HDAC9: variants seen among roughly 807,000 people sequenced by gnomAD.
HDAC9 encodes MEF-2 interacting transcription repressor (MITR) protein.
HDAC9 carries 41 observed loss-of-function variants against 139.4 expected under a neutral mutation model. That is an observed-to-expected ratio of 0.29 (90% CI 0.23 to 0.38). The LOEUF is 0.38. HDAC9 is among the 10% of genes least tolerant of loss of function. HDAC9 has a pLI of 1.00. For missense variants in HDAC9, 1,147 were observed against 1,297.0 expected (o/e 0.88, Z 1.78); for synonymous variants, 517 against 476.2 (o/e 1.09, Z -1.12).
chr7:18,187,857 C>G (rs926800655), intron 2 of HDAC9, among the ~76,000 whole-genome samples: 2 of 152,190 alleles, frequency 1.3e-5, no homozygotes, highest in African/African-American at 2.4e-5. Flanking sequence ...CAGCCTTCTT[C>G]AGTGTGCTTC....
chr7:18,534,967 C>A (rs1354661703), intron 2 of HDAC9, among the ~76,000 whole-genome samples: 1 of 152,148 alleles, frequency 6.6e-6, no homozygotes, highest in Non-Finnish European at 1.5e-5. Flanking sequence ...TTTGACCTTG[C>A]GCTTGACCAC....
intron 13 of HDAC9, among the ~76,000 whole-genome samples, chr7:18,736,425 T>A (rs1318376008): frequency 2.0e-4 from 31 of 152,236 alleles, no homozygotes; most frequent in Admixed American, 2.0e-3. Context: ...ACCTGATTTA[T>A]TGAGAGTTTT....
At chr7:18,544,733 A>G (rs925274221) in intron 2 of HDAC9, among the ~76,000 whole-genome samples, 1 of 152,220 alleles carries the variant, frequency 6.6e-6, no homozygotes, top group Non-Finnish European at 1.5e-5. Context: ...ACAGTATTTC[A>G]GGAAGGGGGA....
intron 2 of HDAC9, among the ~76,000 whole-genome samples, chr7:18,520,758 G>A (rs1253188076): frequency 6.6e-6 from 1 of 152,142 alleles, no homozygotes; most frequent in Non-Finnish European, 1.5e-5. Flanking sequence ...CTAGCCTAGA[G>A]CCTTGGTCTG....
intron 2 of HDAC9, among the ~76,000 whole-genome samples, chr7:18,498,403 CCCA>C (rs1008023312): frequency 7.2e-5 from 11 of 151,978 alleles, no homozygotes; most frequent in African/African-American, 2.4e-4. Flanking sequence ...TTAAAATCTC[CCCA>C]CCTTAACCTT....
intron 16 of HDAC9, among the ~76,000 whole-genome samples, chr7:18,783,731 G>T (rs528876176): frequency 6.6e-6 from 1 of 151,222 alleles, no homozygotes; most frequent in South Asian, 2.1e-4. Flanking sequence ...ATCACCCTGG[G>T]TAGCAGAAGT....
intron 2 of HDAC9, among the ~76,000 whole-genome samples, chr7:18,581,317 A>G (rs1161113015): frequency 6.6e-6 from 1 of 152,136 alleles, no homozygotes; most frequent in Admixed American, 6.5e-5. Context: ...ATTATTTATA[A>G]TCAAGAGCAG....
intron 22 of HDAC9, among the ~76,000 whole-genome samples, chr7:18,893,672 A>G (rs970221451): frequency 3.3e-5 from 5 of 152,180 alleles, no homozygotes; most frequent in African/African-American, 1.2e-4. Flanking sequence ...AGCATTGTCT[A>G]GTGGTTAAAG....
chr7:18,694,938 A>G (rs2129100109), intron 12 of HDAC9, among the ~76,000 whole-genome samples: 1 of 152,308 alleles, frequency 6.6e-6, no homozygotes, highest in South Asian at 2.1e-4. Context: ...TAATTTACAT[A>G]GGAGTGGGAG....
intron 1 of HDAC9, among the ~76,000 whole-genome samples, chr7:18,304,408 A>G (rs1798777698): frequency 6.6e-6 from 1 of 152,222 alleles, no homozygotes; most frequent in Non-Finnish European, 1.5e-5. Flanking sequence ...AGTAGCTCTT[A>G]GCAAAGTCTT....
intron 14 of HDAC9, among the ~76,000 whole-genome samples, chr7:18,755,151 C>T (rs1189140318): frequency 6.6e-6 from 1 of 152,138 alleles, no homozygotes; most frequent in Admixed American, 6.6e-5. Context: ...GAAAGAAGTA[C>T]AAGTGATCTA....
intron 13 of HDAC9, among the ~76,000 whole-genome samples, chr7:18,737,024 A>C (rs993993014): frequency 6.6e-6 from 1 of 152,120 alleles, no homozygotes; most frequent in African/African-American, 2.4e-5. Context: ...ATTTGCATAG[A>C]GGTGTTCATA....
intron 22 of HDAC9, among the ~76,000 whole-genome samples, chr7:18,885,241 C>T (rs1471624575): frequency 6.6e-6 from 1 of 152,206 alleles, no homozygotes; most frequent in Non-Finnish European, 1.5e-5. Context: ...GAATGCCACC[C>T]AACCTCTTGA....
At chr7:18,149,644 G>A (rs1339348860) in intron 1 of HDAC9, among the ~76,000 whole-genome samples, 1 of 151,798 alleles carries the variant, frequency 6.6e-6, no homozygotes, top group Non-Finnish European at 1.5e-5. Context: ...TTCGCCTCCC[G>A]GGTTCACGCC....
At chr7:18,672,659 T>C (rs1795735528) in intron 12 of HDAC9, among the ~76,000 whole-genome samples, 1 of 152,078 alleles carries the variant, frequency 6.6e-6, no homozygotes, top group Admixed American at 6.6e-5. Context: ...ACACTTACGT[T>C]GCCTTCTTAG....
In HDAC9 at chr7:18,977,259, G is replaced by C. The variant is rs145980233; in HGVS notation, c.3170+1306G>C. ...AACTGAACCAAGTTCATAATCCAAA[G>C]GTGTTGCAATTATTCCGAAGGCCAA... is the stretch of plus-strand genomic sequence containing the variant. On this transcript the variant is annotated intron_variant, in intron 25 of 25. Coordinates refer to ENST00000686413, the MANE Select transcript of HDAC9 (RefSeq NM_178425.4). 3.6e-3 allele frequency among the ~76,000 whole-genome samples: 548 copies of C among 152,240 alleles called. 1 individual carries two copies. Among genetic ancestry groups the C allele is most frequent in the African/African-American group, 0.012 (507 of 41,554 alleles).
chr7:18,984,787 A>G (rs981595654), intron 25 of HDAC9, among the ~76,000 whole-genome samples: 3 of 152,220 alleles, frequency 2.0e-5, no homozygotes, highest in African/African-American at 7.2e-5. Flanking sequence ...AGAGGCGAAC[A>G]TGGACAAAAG....
chr7:18,762,367 AGTGC>A, intron 15 of HDAC9, 90 bp downstream of exon 15: 1 of 1,452,278 alleles, frequency 6.9e-7, no homozygotes, highest in African/African-American at 1.4e-5. Context: ...CTTGGCAAGT[AGTGC>A]AACAAAAAAT....
chr7:18,893,052 AAAG>A (rs1463859228), intron 22 of HDAC9, among the ~76,000 whole-genome samples: 4 of 148,656 alleles, frequency 2.7e-5, no homozygotes, highest in African/African-American at 1.0e-4. Context: ...AAAAAAAAAA[AAAG>A]AAAAGAAAAG....
Sources: gnomAD v4.1 joint callset for allele counts (sites outside exome capture counted in the v4.1 genomes callset) on GRCh38, gnomAD v4.1.1 for gene constraint, MANE v1.5 for transcripts, NCBI Gene and HGNC (gene_info 2026-07-23, HGNC 2026-07-21) for gene names.